The following FRAS1 variants were observed in gnomAD, a reference collection of about 807,000 sequenced individuals.
FRAS1 encodes Fraser extracellular matrix complex subunit 1.
Under a neutral mutation model 435.2 loss-of-function variants are expected in FRAS1, and 290 were observed. That is an observed-to-expected ratio of 0.67 (90% confidence interval 0.61 to 0.73). The LOEUF is 0.73. Ranked by LOEUF, FRAS1 falls within the 30% of genes least tolerant of loss-of-function variation. The pLI is 0.00. For missense variants in FRAS1, 4,860 were observed against 5,001.5 expected, an observed-to-expected ratio of 0.97 and a Z score of 0.85; for synonymous variants, 1,800 against 1,851.0, an observed-to-expected ratio of 0.97 and a Z score of 0.71.
chr4:78,177,578 G>A (rs1019919645), intron 2 of FRAS1, among the ~76,000 whole-genome samples: 9 of 152,160 alleles, frequency 5.9e-5, no homozygotes, highest in Non-Finnish European at 1.2e-4. Flanking sequence ...TCTGGGTGAG[G>A]TCAGTTGGGA....
At chr4:78,428,343 G>A in intron 35 of FRAS1, among the ~76,000 whole-genome samples, 1 of 146,008 alleles carries the variant, frequency 6.8e-6, no homozygotes, top group Admixed American at 6.8e-5. Flanking sequence ...TTTTTTTTGA[G>A]ACGAAGTCTC....
chr4:78,327,921 C>G (rs1047141339), intron 18 of FRAS1, among the ~76,000 whole-genome samples: 6 of 152,176 alleles, frequency 3.9e-5, no homozygotes, highest in East Asian at 3.9e-4. Flanking sequence ...AGAAACAGAG[C>G]ATTATAGAGA....
chr4:78,534,988 A>G (rs1721837229), intron 71 of FRAS1, among the ~76,000 whole-genome samples: 1 of 152,106 alleles, frequency 6.6e-6, no homozygotes, highest in South Asian at 2.1e-4. Context: ...GTTCTCCATC[A>G]TGCTTTCTCT....
At chr4:78,221,100 A>C (rs1342840736) in intron 2 of FRAS1, among the ~76,000 whole-genome samples, 1 of 152,184 alleles carries the variant, frequency 6.6e-6, no homozygotes, top group East Asian at 1.9e-4. Context: ...CCCAGGAGGC[A>C]GAGATTGCCG....
intron 71 of FRAS1, among the ~76,000 whole-genome samples, chr4:78,535,075 C>T (rs1200636358): frequency 4.6e-5 from 7 of 152,146 alleles, no homozygotes; most frequent in African/African-American, 1.7e-4. Flanking sequence ...TTTCTCTTGT[C>T]GATGACACCA....
intron 47 of FRAS1, among the ~76,000 whole-genome samples, chr4:78,461,091 TAA>T (rs1323080096): frequency 9.2e-5 from 14 of 152,194 alleles, no homozygotes; most frequent in Non-Finnish European, 1.9e-4. Flanking sequence ...ATTTAAATGA[TAA>T]TATTAAAACC....
chr4:78,216,354 A>G (rs926736258), intron 2 of FRAS1, among the ~76,000 whole-genome samples: 15 of 152,230 alleles, frequency 9.9e-5, no homozygotes, highest in East Asian at 1.9e-4. Context: ...TGCACAACCC[A>G]TATCTCTTTT....
Position 78,507,422 on chromosome 4 carries a change from T to C in FRAS1, c.9318T>C (p.Gly3106=). The change falls in exon 62 of 74, where the codon GGT becomes GGC. Residue 3106 remains glycine (G), a splice_region_variant and synonymous_variant. Transcript: ENST00000512123. ...CTTTTTGTTCTGTCCTTGGCGAAGG[T>C]GTGGATCATATCTTTTTTAAAGTTG... ...PKSRVLKFSP[G]VDHIFFKVEI... The C allele has an allele frequency of 6.2e-7, 1 of 1,609,372 alleles. No individual in the cohort carries two copies. The highest frequency in any genetic ancestry group is 8.5e-7 in the Non-Finnish European group (1 of 1,178,194).
At chr4:78,340,473 A>G (rs1013212385) in intron 20 of FRAS1, among the ~76,000 whole-genome samples, 6 of 152,230 alleles carry the variant, frequency 3.9e-5, no homozygotes, top group African/African-American at 1.4e-4. Context: ...TTTTCTCTGT[A>G]GCATTGCAAT....
At chr4:78,181,877 G>A in intron 2 of FRAS1, 2 of 1,611,816 alleles carry the variant, frequency 1.2e-6, no homozygotes, top group South Asian at 1.1e-5. Context: ...CTGGGCCGCC[G>A]CCTGAGCTGC....
At chr4:78,281,751 A>T (rs943542414) in intron 11 of FRAS1, among the ~76,000 whole-genome samples, 5 of 152,172 alleles carry the variant, frequency 3.3e-5, no homozygotes, top group Non-Finnish European at 7.3e-5. Context: ...TTTAACCATC[A>T]GTAGAGTTTT....
At chr4:78,069,059 C>T (rs1328102788) in intron 2 of FRAS1, among the ~76,000 whole-genome samples, 1 of 152,186 alleles carries the variant, frequency 6.6e-6, no homozygotes, top group Non-Finnish European at 1.5e-5. Context: ...ACAAAGGCTT[C>T]TAGTGTAAGA....
intron 35 of FRAS1, among the ~76,000 whole-genome samples, chr4:78,427,861 C>T (rs1734055311): frequency 6.6e-6 from 1 of 152,212 alleles, no homozygotes; most frequent in Non-Finnish European, 1.5e-5. Context: ...CGTCGCTGAG[C>T]AATGCTTGAC....
At chr4:78,098,769 A>G (rs1376670767) in intron 2 of FRAS1, among the ~76,000 whole-genome samples, 1 of 152,262 alleles carries the variant, frequency 6.6e-6, no homozygotes, top group Non-Finnish European at 1.5e-5. Flanking sequence ...GTGTGTTCTC[A>G]GAGCCCAGAA....
At chr4:78,113,645 C>G (rs1476149253) in intron 2 of FRAS1, among the ~76,000 whole-genome samples, 1 of 152,164 alleles carries the variant, frequency 6.6e-6, no homozygotes, top group Non-Finnish European at 1.5e-5. Context: ...AATGTCTGTT[C>G]ATATCCTTTG....
intron 65 of FRAS1, among the ~76,000 whole-genome samples, chr4:78,514,287 T>C (rs1472207101): frequency 1.3e-5 from 2 of 152,256 alleles, no homozygotes; most frequent in African/African-American, 2.4e-5. Flanking sequence ...CTGAAGGAGC[T>C]GACAGCTGAG....
chr4:78,223,480 C>T (rs1210422197), intron 2 of FRAS1, among the ~76,000 whole-genome samples: 4 of 152,144 alleles, frequency 2.6e-5, no homozygotes, highest in African/African-American at 9.7e-5. Flanking sequence ...TTAATTTGAT[C>T]ATCTTGGTGG....
chr4:78,381,145 C>T (rs1272160231), intron 27 of FRAS1, among the ~76,000 whole-genome samples: 1 of 152,116 alleles, frequency 6.6e-6, no homozygotes, highest in Non-Finnish European at 1.5e-5. Flanking sequence ...TTCTGCCTCC[C>T]TAATATACTA....
At chr4:78,479,173 G>T (rs950191419) in intron 55 of FRAS1, among the ~76,000 whole-genome samples, 7 of 152,212 alleles carry the variant, frequency 4.6e-5, no homozygotes, top group Non-Finnish European at 1.0e-4. Flanking sequence ...GTTTGATGAA[G>T]TATCTGGGGT....
Sources: gnomAD v4.1 joint callset for allele counts (sites outside exome capture counted in the v4.1 genomes callset) on GRCh38, gnomAD v4.1.1 for gene constraint, MANE v1.5 for transcripts, NCBI Gene and HGNC (gene_info 2026-07-23, HGNC 2026-07-21) for gene names.